KCNU1: variants seen among roughly 807,000 people sequenced by gnomAD.
KCNU1 encodes potassium channel subfamily U member 1.
Under a neutral mutation model 126.8 loss-of-function variants are expected in KCNU1, and 93 were observed. That is an observed-to-expected ratio of 0.73 (90% confidence interval 0.62 to 0.87). The LOEUF (loss-of-function observed/expected upper bound fraction) is 0.87. Ranked by LOEUF, KCNU1 falls within the 40% of genes least tolerant of loss-of-function variation. The pLI is 0.00. For synonymous variants in KCNU1, 523 were observed against 494.2 expected (o/e 1.06, Z -0.77); for missense variants, 1,330 against 1,367.1 (o/e 0.97, Z 0.43).
chr8:36,876,939 G>A (rs1806298155), intron 19 of KCNU1, among the ~76,000 whole-genome samples: 1 of 152,100 alleles, frequency 6.6e-6, no homozygotes, highest in African/African-American at 2.4e-5. Context: ...AAGGAGATGA[G>A]GAGACAAGAG....
chr8:36,820,137 G>A (rs1804069015), intron 10 of KCNU1, among the ~76,000 whole-genome samples: 1 of 152,160 alleles, frequency 6.6e-6, no homozygotes, highest in African/African-American at 2.4e-5. Context: ...CTGGATGAAT[G>A]TACCTACGTG....
At chr8:36,836,173 A>C (rs1804739799) in intron 12 of KCNU1, 123 bp from the exon 13 acceptor site, 1 of 621,080 alleles carries the variant, frequency 1.6e-6, no homozygotes, top group Admixed American at 2.8e-5. Context: ...ACAACAATAA[A>C]CTTTATTATA....
intron 12 of KCNU1, 54 bp from the exon 13 acceptor site, chr8:36,836,242 C>T: frequency 9.0e-7 from 1 of 1,116,400 alleles, no homozygotes; most frequent in Non-Finnish European, 1.4e-6. Flanking sequence ...AATTATATTA[C>T]AAAGCCCTTT....
intron 18 of KCNU1, among the ~76,000 whole-genome samples, chr8:36,849,453 G>A (rs2117282631): frequency 6.6e-6 from 1 of 152,220 alleles, no homozygotes; most frequent in South Asian, 2.1e-4. Flanking sequence ...GCTGGGTGTG[G>A]TGGTGTGTGC....
intron 19 of KCNU1, among the ~76,000 whole-genome samples, chr8:36,877,949 A>T (rs913411755): frequency 2.0e-5 from 3 of 152,160 alleles, no homozygotes; most frequent in Admixed American, 6.5e-5. Context: ...GTGTATACAT[A>T]GAATGTTCTT....
chr8:36,858,453 C>T (rs980395051), intron 18 of KCNU1, among the ~76,000 whole-genome samples: 1 of 151,988 alleles, frequency 6.6e-6, no homozygotes, highest in Non-Finnish European at 1.5e-5. Context: ...TATAAAAGAA[C>T]AAGATAATAT....
At chr8:36,825,738 C>T (rs931595868) in intron 10 of KCNU1, among the ~76,000 whole-genome samples, 1 of 151,802 alleles carries the variant, frequency 6.6e-6, no homozygotes, top group Non-Finnish European at 1.5e-5. Context: ...GTGACTAACT[C>T]TGTTGGATGT....
At chr8:36,842,244 A>T (rs1006165593) in intron 16 of KCNU1, among the ~76,000 whole-genome samples, 1 of 152,242 alleles carries the variant, frequency 6.6e-6, no homozygotes, top group South Asian at 2.1e-4. Context: ...ATAGGAAAAC[A>T]TTCAAAATGC....
At chr8:36,841,976 G>A (rs556858195) in intron 16 of KCNU1, among the ~76,000 whole-genome samples, 93 of 142,910 alleles carry the variant, frequency 6.5e-4, no homozygotes, top group African/African-American at 2.3e-3. Context: ...AAAAAGATCT[G>A]TTAAAAAAAA....
At chr8:36,792,881 G>T (rs12541157) in intron 2 of KCNU1, among the ~76,000 whole-genome samples, 25,327 of 151,910 alleles carry the variant, frequency 0.17, 2,260 homozygotes, top group Admixed American at 0.29. Flanking sequence ...AATATCTCAG[G>T]ACTTATATCT....
At chr8:36,929,570 T>C (rs777296197) in intron 24 of KCNU1, among the ~76,000 whole-genome samples, 1 of 152,042 alleles carries the variant, frequency 6.6e-6, no homozygotes, top group Non-Finnish European at 1.5e-5. Flanking sequence ...CCAGTGCCCA[T>C]GGAATCCCAA....
chr8:36,788,828 G>T (rs1299551525), intron 2 of KCNU1, among the ~76,000 whole-genome samples: 1 of 152,158 alleles, frequency 6.6e-6, no homozygotes, highest in African/African-American at 2.4e-5. Context: ...TCATGTTTGT[G>T]TGAGAAACTT....
At chr8:36,793,668 C>T (rs939031406) in intron 2 of KCNU1, among the ~76,000 whole-genome samples, 10 of 152,162 alleles carry the variant, frequency 6.6e-5, no homozygotes, top group Non-Finnish European at 1.2e-4. Flanking sequence ...TACTAATCAA[C>T]ATGACATTTT....
chr8:36,919,153 C>T (rs557069124), intron 23 of KCNU1, among the ~76,000 whole-genome samples: 1 of 152,240 alleles, frequency 6.6e-6, no homozygotes, highest in East Asian at 1.9e-4. Context: ...GGACCAGCAA[C>T]TAGCTTAGTC....
At chr8:36,860,370 C>A (rs1805685398) in intron 18 of KCNU1, among the ~76,000 whole-genome samples, 1 of 152,212 alleles carries the variant, frequency 6.6e-6, no homozygotes, top group Non-Finnish European at 1.5e-5. Flanking sequence ...AGACACTGCG[C>A]CTGGCCCATC....
At chr8:36,879,248 T>C (rs999289033) in intron 19 of KCNU1, among the ~76,000 whole-genome samples, 19 of 133,028 alleles carry the variant, frequency 1.4e-4, no homozygotes, top group African/African-American at 3.3e-4. Context: ...TACACACACA[T>C]ATATGAAATA....
intron 19 of KCNU1, among the ~76,000 whole-genome samples, chr8:36,887,851 T>C (rs549055015): frequency 6.6e-6 from 1 of 152,170 alleles, no homozygotes; most frequent in African/African-American, 2.4e-5. Context: ...AAGTTCCATT[T>C]GTAATTTGGT....
At chr8:36,797,016 C>A (rs1376705118) in intron 2 of KCNU1, among the ~76,000 whole-genome samples, 1 of 152,116 alleles carries the variant, frequency 6.6e-6, no homozygotes, top group African/African-American at 2.4e-5. Flanking sequence ...ATTGGACACA[C>A]ACTAGGAGCT....
chr8:36,928,018 A>AGGAGGGAG (rs1808585190), intron 24 of KCNU1, among the ~76,000 whole-genome samples: 1 of 120,470 alleles, frequency 8.3e-6, no homozygotes, highest in African/African-American at 3.1e-5. Flanking sequence ...GAGGGAGGGA[A>AGGAGGGAG]GGAGGGAGGG....
Sources: allele counts gnomAD v4.1 joint callset (sites outside exome capture counted in the v4.1 genomes callset), GRCh38; gene constraint gnomAD v4.1.1; transcripts MANE v1.5; gene names NCBI Gene and HGNC (gene_info 2026-07-23, HGNC 2026-07-21).